The following TSNARE1 variants were observed in gnomAD, a reference collection of about 807,000 sequenced individuals.
The protein encoded by TSNARE1 is t-SNARE domain containing 1, also known as t-SNARE domain-containing protein 1.
TSNARE1 carries 49 observed loss-of-function variants against 62.0 expected under a neutral mutation model. That is an observed-to-expected ratio of 0.79 (90% confidence interval 0.63 to 1.00). TSNARE1 has a LOEUF of 1.00. TSNARE1 is among the 50% of genes least tolerant of loss of function. The pLI is 0.00. For missense variants in TSNARE1, 755 were observed against 700.1 expected (o/e 1.08, Z -0.88); for synonymous variants, 328 against 294.4 (o/e 1.11, Z -1.17).
chr8:142,354,418 C>A lies in TSNARE1; in HGVS notation c.88+219G>T, dbSNP rs1193548441. Among the ~76,000 whole-genome samples, 7 of 151,998 alleles carry A rather than the reference C, an allele frequency of 4.6e-5. No homozygotes were observed. In the South Asian group the frequency reaches 1.2e-3, roughly 27 times the overall value. Reference sequence around the variant, plus strand: ...GCTCCATGCCCAGCATGAACTGGGACACCCAGGTCTGCCCACACCCAGGAC... The same window carrying A: ...GCTCCATGCCCAGCATGAACTGGGAAACCCAGGTCTGCCCACACCCAGGAC... On this transcript the variant is annotated intron_variant, in intron 2 of 13. Transcript: ENST00000524325.
At chr8:142,230,653 G>A (rs979137123) in intron 12 of TSNARE1, among the ~76,000 whole-genome samples, 2 of 152,144 alleles carry the variant, frequency 1.3e-5, no homozygotes, top group Non-Finnish European at 2.9e-5. Context: ...TCAGAACCTA[G>A]GAGTAACTGG....
In TSNARE1 at chr8:142,343,974, G is replaced by A. The variant is rs141239700; in HGVS notation, c.737C>T (p.Pro246Leu). ...CTGAGCAAGGAACTCACCTCTGGGCGGCTCCAGACTGAAGCCCTCGGAGGG... is the reference window on the plus strand; with the variant it reads ...CTGAGCAAGGAACTCACCTCTGGGCAGCTCCAGACTGAAGCCCTCGGAGGG... ...ALPSEGFSLE[P>L]PRATQVDPCN... The change falls in exon 4 of 14, where the codon CCG (proline) becomes CTG (leucine). Residue 246 changes from proline to leucine, a missense_variant. Transcript: ENST00000524325. The A allele has an allele frequency of 2.2e-5, 34 of 1,525,510 alleles. No homozygotes were observed. Among genetic ancestry groups the A allele is most frequent in the African/African-American group, 1.8e-4 (13 of 72,252 alleles). The allele number at this position is 1,525,510 out of a possible 1,614,324, so 94.5% of individuals were successfully genotyped here.
At chr8:142,355,958 CA>C (rs1294788625) in intron 1 of TSNARE1, among the ~76,000 whole-genome samples, 1 of 152,218 alleles carries the variant, frequency 6.6e-6, no homozygotes, top group African/African-American at 2.4e-5. Flanking sequence ...AATCGGGACC[CA>C]AACAGCTCTG....
intron 12 of TSNARE1, among the ~76,000 whole-genome samples, chr8:142,254,778 GACAAC>G (rs897339733): frequency 3.3e-5 from 5 of 152,186 alleles, no homozygotes; most frequent in African/African-American, 1.2e-4. Flanking sequence ...ACAGAATGAG[GACAAC>G]ACAAGACAGT....
chr8:142,353,069 G>A (rs772505966), intron 2 of TSNARE1, among the ~76,000 whole-genome samples: 6 of 152,030 alleles, frequency 3.9e-5, no homozygotes, highest in Non-Finnish European at 7.4e-5. Flanking sequence ...ACACCGGCCC[G>A]TCTCCCAGGA....
intron 4 of TSNARE1, among the ~76,000 whole-genome samples, chr8:142,335,240 C>T (rs1831588455): frequency 1.3e-5 from 2 of 151,972 alleles, no homozygotes; most frequent in African/African-American, 4.8e-5. Context: ...ACATGTGATC[C>T]TGAATGTACT....
chr8:142,314,641 A>T (rs961892378), intron 8 of TSNARE1, among the ~76,000 whole-genome samples: 4 of 151,914 alleles, frequency 2.6e-5, no homozygotes, highest in African/African-American at 9.7e-5. Flanking sequence ...CTCCCAGAAG[A>T]GGCTGCCAGG....
At chr8:142,375,153 T>C (rs1178933237) in intron 1 of TSNARE1, among the ~76,000 whole-genome samples, 2 of 152,252 alleles carry the variant, frequency 1.3e-5, no homozygotes, top group Non-Finnish European at 2.9e-5. Context: ...GTGCCGGTCC[T>C]GTCCTAAACA....
At chr8:142,278,205 C>G in intron 11 of TSNARE1, 1 of 985,454 alleles carries the variant, frequency 1.0e-6, no homozygotes, top group Non-Finnish European at 1.2e-6. Flanking sequence ...CCAAGCCCAG[C>G]CACAGGGTTG....
At chr8:142,257,006 A>C (rs1159746136) in intron 12 of TSNARE1, among the ~76,000 whole-genome samples, 5 of 152,198 alleles carry the variant, frequency 3.3e-5, no homozygotes, top group Non-Finnish European at 5.9e-5. Flanking sequence ...TGCTAAAAGG[A>C]GCCACAATTC....
intron 1 of TSNARE1, among the ~76,000 whole-genome samples, chr8:142,374,292 G>A (rs1283703884): frequency 3.3e-5 from 5 of 151,400 alleles, no homozygotes; most frequent in Admixed American, 3.3e-4. Flanking sequence ...GAGACAGAGC[G>A]AGACCTAGTC....
Position 142,331,047 on chromosome 8 carries a change from C to T in TSNARE1, c.824-77G>A, listed in dbSNP as rs981512476. Reference sequence around the variant, plus strand: ...CTGCTACTCCATATGGGTGGCCCCACTGCAGCCCGGGCAGGGTGAGCAGAG... The same window carrying T: ...CTGCTACTCCATATGGGTGGCCCCATTGCAGCCCGGGCAGGGTGAGCAGAG... On this transcript the variant is annotated intron_variant, in intron 5 of 13. Coordinates refer to ENST00000524325, the MANE Select transcript of TSNARE1 (RefSeq NM_145003.5). 2.2e-6 allele frequency: 3 copies of T among 1,361,896 alleles called. No homozygotes were observed. In the South Asian group the frequency reaches 3.6e-5, roughly 16 times the overall value. The allele number at this position is 1,361,896 out of a possible 1,614,324, so 84.4% of individuals were successfully genotyped here.
rs141233718 is a variant in TSNARE1 at position 142,350,794 on chromosome 8, G to T, written c.88+3843C>A. Among the ~76,000 whole-genome samples, 413 of 152,298 alleles carry T rather than the reference G, an allele frequency of 2.7e-3. 4 individuals are homozygous for T. The highest frequency in any genetic ancestry group is 9.3e-3 in the African/African-American group (387 of 41,550). On this transcript the variant is annotated intron_variant, in intron 2 of 13. Coordinates refer to ENST00000524325, the MANE Select transcript of TSNARE1 (RefSeq NM_145003.5). ...ACACAAAAATCAATTACACCACACAGGAAAACCCTGGTTTCTTCAACAAAT... is the reference window on the plus strand; with the variant it reads ...ACACAAAAATCAATTACACCACACATGAAAACCCTGGTTTCTTCAACAAAT...
At chr8:142,213,354 G>A (rs914888260) in intron 13 of TSNARE1, among the ~76,000 whole-genome samples, 44 of 148,172 alleles carry the variant, frequency 3.0e-4, no homozygotes, top group Non-Finnish European at 6.1e-4. Flanking sequence ...ACTTGCTCCT[G>A]AGGCCCCATC....
In TSNARE1 at chr8:142,363,696, C is replaced by G. The variant is rs1835324729; in HGVS notation, c.-39-8933G>C. Reference sequence around the variant, plus strand: ...GCCTTCAAGCTGTGACTGATGTCCCCTGGACCACCCTCCCCTCTACTGCCC... The same window carrying G: ...GCCTTCAAGCTGTGACTGATGTCCCGTGGACCACCCTCCCCTCTACTGCCC... On this transcript the variant is annotated intron_variant, in intron 1 of 13. Coordinates refer to ENST00000524325, the MANE Select transcript of TSNARE1 (RefSeq NM_145003.5). Among the ~76,000 whole-genome samples the G allele has an allele frequency of 2.0e-5, 3 of 152,214 alleles. No individual in the cohort carries two copies. In the South Asian group the frequency reaches 6.2e-4, roughly 31 times the overall value.
At chr8:142,221,339 T>G (rs1178711314) in intron 13 of TSNARE1, among the ~76,000 whole-genome samples, 3 of 152,186 alleles carry the variant, frequency 2.0e-5, no homozygotes, top group African/African-American at 7.2e-5. Flanking sequence ...CGCAGGCACA[T>G]AACACAAAGG....
intron 1 of TSNARE1, among the ~76,000 whole-genome samples, chr8:142,360,041 C>T (rs1038390523): frequency 6.6e-6 from 1 of 152,220 alleles, no homozygotes; most frequent in African/African-American, 2.4e-5. Context: ...GGAAGGCAGC[C>T]GGGCACTGTG....
At chr8:142,394,569 G>A (rs1837768530) in intron 1 of TSNARE1, among the ~76,000 whole-genome samples, 1 of 152,186 alleles carries the variant, frequency 6.6e-6, no homozygotes, top group Non-Finnish European at 1.5e-5. Flanking sequence ...ATTTCCCATG[G>A]CGCAGTGTGG....
Position 142,365,633 on chromosome 8 carries a change from C to CACAGAG in TSNARE1, c.-39-10871_-39-10870insCTCTGT, listed in dbSNP as rs60883386. Among the ~76,000 whole-genome samples the CACAGAG allele has an allele frequency of 3.9e-3, 536 of 138,638 alleles. 4 individuals carry two copies. Among genetic ancestry groups the CACAGAG allele is most frequent in the Middle Eastern group, 0.014 (4 of 280 alleles). The allele number at this position is 138,638 out of a possible 152,430, so 91.0% of individuals were successfully genotyped here. A position where few individuals can be genotyped will look rare whatever the true frequency, so the allele number is the denominator to read the frequency against. On this transcript the variant is annotated intron_variant, in intron 1 of 13. Transcript: ENST00000524325. ...ACACACACACACACACACACACACA[C>CACAGAG]AGAGAGAGAGAGGGGAACAAAGAAT...
Sources: allele counts gnomAD v4.1 joint callset (sites outside exome capture counted in the v4.1 genomes callset), GRCh38; gene constraint gnomAD v4.1.1; transcripts MANE v1.5; gene names NCBI Gene and HGNC (gene_info 2026-07-23, HGNC 2026-07-21).